CREB5: variants seen among roughly 807,000 people sequenced by gnomAD.
The protein encoded by CREB5 is cAMP responsive element binding protein 5.
Under a neutral mutation model 57.1 loss-of-function variants are expected in CREB5, and 19 were observed. The observed-to-expected ratio is 0.33, with a 90% CI of 0.23 to 0.49. The LOEUF (loss-of-function observed/expected upper bound fraction) is 0.49. CREB5 is among the 20% of genes least tolerant of loss of function. CREB5 has a pLI of 0.99. For missense variants in CREB5, 579 were observed against 671.6 expected, an observed-to-expected ratio of 0.86 and a Z score of 1.52; for synonymous variants, 238 against 238.3, an observed-to-expected ratio of 1.00 and a Z score of 0.01.
At chr7:28,630,549 T>C (rs925234012) in intron 5 of CREB5, among the ~76,000 whole-genome samples, 1 of 152,208 alleles carries the variant, frequency 6.6e-6, no homozygotes, top group Non-Finnish European at 1.5e-5. Flanking sequence ...TAAGGCATCC[T>C]GCTGGGTGTG....
At chr7:28,380,834 C>T (rs1015911601) in intron 1 of CREB5, among the ~76,000 whole-genome samples, 1 of 152,142 alleles carries the variant, frequency 6.6e-6, no homozygotes, top group Non-Finnish European at 1.5e-5. Flanking sequence ...GAAATAGGGA[C>T]AATGGTACTA....
intron 1 of CREB5, among the ~76,000 whole-genome samples, chr7:28,383,588 C>A (rs1377689137): frequency 6.6e-6 from 1 of 152,116 alleles, no homozygotes; most frequent in Admixed American, 6.5e-5. Flanking sequence ...AAAGCAGGAG[C>A]AAGGGTGGGA....
intron 1 of CREB5, among the ~76,000 whole-genome samples, chr7:28,445,653 G>A (rs983242205): frequency 3.3e-5 from 5 of 151,788 alleles, no homozygotes; most frequent in Admixed American, 6.6e-5. Flanking sequence ...CCAGGTTCAC[G>A]CCATTCTCCT....
intron 1 of CREB5, among the ~76,000 whole-genome samples, chr7:28,376,868 A>T (rs1786841767): frequency 1.3e-5 from 2 of 152,200 alleles, no homozygotes; most frequent in Admixed American, 1.3e-4. Context: ...TTACATAACT[A>T]GGTTGGCAAG....
intron 1 of CREB5, among the ~76,000 whole-genome samples, chr7:28,416,825 C>A (rs1485773829): frequency 6.6e-6 from 1 of 152,224 alleles, no homozygotes; most frequent in Non-Finnish European, 1.5e-5. Context: ...CATTCTTTAA[C>A]ATCCATTTCA....
intron 1 of CREB5, among the ~76,000 whole-genome samples, chr7:28,429,872 T>G (rs1026852805): frequency 6.6e-6 from 1 of 152,178 alleles, no homozygotes; most frequent in Non-Finnish European, 1.5e-5. Context: ...AGAGGCGTTG[T>G]GTCGGGATCT....
intron 7 of CREB5, among the ~76,000 whole-genome samples, chr7:28,783,187 G>A (rs1269422673): frequency 1.3e-5 from 2 of 152,104 alleles, no homozygotes; most frequent in Admixed American, 6.5e-5. Flanking sequence ...CCTGGCCCCA[G>A]TACAGCCTCA....
intron 1 of CREB5, among the ~76,000 whole-genome samples, chr7:28,403,581 A>T (rs186716996): frequency 1.3e-5 from 2 of 152,252 alleles, no homozygotes; most frequent in Admixed American, 1.3e-4. Flanking sequence ...GGTAAAAAAA[A>T]ATTGGCCCTG....
At chr7:28,519,480 C>T (rs528836808) in intron 4 of CREB5, among the ~76,000 whole-genome samples, 2 of 152,294 alleles carry the variant, frequency 1.3e-5, no homozygotes, top group African/African-American at 4.8e-5. Context: ...AAGATGGCGT[C>T]ACTGATTTAC....
At chr7:28,348,067 G>A (rs1458757290) in intron 1 of CREB5, among the ~76,000 whole-genome samples, 2 of 152,096 alleles carry the variant, frequency 1.3e-5, no homozygotes, top group Non-Finnish European at 2.9e-5. Flanking sequence ...CCTGGGTTGG[G>A]CATGGGCTAT....
intron 4 of CREB5, among the ~76,000 whole-genome samples, chr7:28,565,504 T>C (rs1583638360): frequency 6.6e-6 from 1 of 152,352 alleles, no homozygotes; most frequent in East Asian, 1.9e-4. Context: ...AGGATAGTAA[T>C]GCCTACCTCT....
At chr7:28,689,638 TG>T (rs1226433008) in intron 5 of CREB5, among the ~76,000 whole-genome samples, 5 of 152,212 alleles carry the variant, frequency 3.3e-5, no homozygotes, top group Admixed American at 6.5e-5. Context: ...CATACAGTTT[TG>T]CCTTTCATGA....
rs56358432 is a variant in CREB5 at position 28,433,812 on chromosome 7, A to T, written c.3+20895A>T. Among the ~76,000 whole-genome samples, 1,493 of 151,748 alleles carry T rather than the reference A, an allele frequency of 9.8e-3. 15 individuals are homozygous for T. The highest frequency in any genetic ancestry group is 0.017 in the Non-Finnish European group (1,127 of 67,880). ...ATATGTGAACACAGTTTACGTTTAG[A>T]ATCATGCCACTTCTGCTTGCTGTAG... On this transcript the variant is annotated intron_variant, in intron 1 of 10. Transcript: ENST00000357727.
intron 5 of CREB5, among the ~76,000 whole-genome samples, chr7:28,686,993 G>T (rs73083768): frequency 0.22 from 34,035 of 151,630 alleles, 4,124 homozygotes; most frequent in South Asian, 0.31. Context: ...GGGTTGGGGG[G>T]GCGATTTTTG....
intron 5 of CREB5, among the ~76,000 whole-genome samples, chr7:28,691,934 C>T (rs909584824): frequency 2.4e-4 from 36 of 147,678 alleles, no homozygotes; most frequent in African/African-American, 8.8e-4. Context: ...TTTGGGAGGC[C>T]GAGGCGAGTG....
intron 7 of CREB5, among the ~76,000 whole-genome samples, chr7:28,787,841 A>G (rs1304736820): frequency 6.6e-6 from 1 of 152,210 alleles, no homozygotes; most frequent in Non-Finnish European, 1.5e-5. Context: ...GGCATGAACC[A>G]CCACGCCTAG....
intron 7 of CREB5, among the ~76,000 whole-genome samples, chr7:28,790,873 G>T (rs1807664998): frequency 6.6e-6 from 1 of 152,202 alleles, no homozygotes; most frequent in Admixed American, 6.5e-5. Context: ...CCCACTGCTA[G>T]ACCTGCCATC....
chr7:28,500,461 C>T (rs1393031079), intron 3 of CREB5, among the ~76,000 whole-genome samples: 1 of 152,176 alleles, frequency 6.6e-6, no homozygotes. Context: ...TCATCAGATT[C>T]TCAGCACTCA....
chr7:28,601,157 C>G (rs1796904348), intron 5 of CREB5, among the ~76,000 whole-genome samples: 2 of 151,240 alleles, frequency 1.3e-5, no homozygotes, highest in African/African-American at 4.9e-5. Flanking sequence ...CTTCATTTCC[C>G]TTATTATTAT....
Sources: gnomAD v4.1 joint callset for allele counts (sites outside exome capture counted in the v4.1 genomes callset) on GRCh38, gnomAD v4.1.1 for gene constraint, MANE v1.5 for transcripts, NCBI Gene and HGNC (gene_info 2026-07-23, HGNC 2026-07-21) for gene names.